RBM33: variants seen among roughly 807,000 people sequenced by gnomAD.
RBM33 encodes RNA-binding protein 33.
In RBM33, 28 loss-of-function variants were observed where a neutral mutation model predicts 132.6. The observed-to-expected ratio is 0.21, with a 90% CI of 0.16 to 0.29. RBM33 has a LOEUF of 0.29. Among genes scored for constraint, RBM33 ranks in the 10% least tolerant of loss-of-function variants. The pLI, the probability that RBM33 is intolerant of heterozygous loss-of-function variation, is 1.00. For synonymous variants in RBM33, 634 were observed against 593.0 expected (o/e 1.07, Z -1.01); for missense variants, 1,291 against 1,518.5 (o/e 0.85, Z 2.49).
At position 155,754,704 on chromosome 7, in the gene RBM33, CTG is replaced by C. The variant is rs1489115537; in HGVS notation, c.2979+9104_2979+9105del. On this transcript the variant is annotated intron_variant, in intron 14 of 17. Coordinates refer to ENST00000401878, the MANE Select transcript of RBM33 (RefSeq NM_053043.3). Reference sequence around the variant, plus strand: ...GCCTAGCTAATGTCAGAAAGGTAGACTGTTAAGAGAGAGAGCAAGCACTTGAA... The same window carrying C: ...GCCTAGCTAATGTCAGAAAGGTAGACTTAAGAGAGAGAGCAAGCACTTGAA... Among the ~76,000 whole-genome samples the C allele has an allele frequency of 6.6e-5, 10 of 152,344 alleles. 1 individual carries two copies. In the East Asian group the frequency reaches 1.5e-3, roughly 23 times the overall value.
At chr7:155,713,018 A>G (rs1379565199) in intron 8 of RBM33, among the ~76,000 whole-genome samples, 2 of 152,164 alleles carry the variant, frequency 1.3e-5, no homozygotes, top group African/African-American at 4.8e-5. Flanking sequence ...GGTAGCAGGG[A>G]GAGTGCAGAG....
intron 1 of RBM33, among the ~76,000 whole-genome samples, chr7:155,649,472 G>A (rs537376005): frequency 6.6e-6 from 1 of 152,174 alleles, no homozygotes; most frequent in African/African-American, 2.4e-5. Context: ...CCTAATTTAT[G>A]TTAGTCAATT....
chr7:155,683,046 G>A (rs1197602074), intron 5 of RBM33, among the ~76,000 whole-genome samples: 1 of 151,534 alleles, frequency 6.6e-6, no homozygotes, highest in African/African-American at 2.4e-5. Context: ...GTGTTCTGAT[G>A]TTTTCACAGA....
chr7:155,742,025 C>T lies in RBM33; in HGVS notation c.2256C>T (p.Ser752=). 6.2e-7 allele frequency: 1 copy of T among 1,614,016 alleles called. No individual in the cohort carries two copies. Among genetic ancestry groups the T allele is most frequent in the Non-Finnish European group, 8.5e-7 (1 of 1,179,910 alleles). The change falls in exon 13 of 18, where the codon AGC becomes AGT. Residue 752 remains serine (S), a synonymous_variant. Coordinates refer to ENST00000401878, the MANE Select transcript of RBM33 (RefSeq NM_053043.3). ...CGCGGGCCGTGGCGGGTTCCAGAAG[C>T]TCACAGGGAAAGACGGAAGTGAAAG... is the stretch of plus-strand genomic sequence containing the variant. ...PPSRAVAGSR[S]SQGKTEVKVK... is the part of the protein sequence containing the mutation.
At chr7:155,768,084 A>G (rs1046384532) in intron 16 of RBM33, among the ~76,000 whole-genome samples, 5 of 152,302 alleles carry the variant, frequency 3.3e-5, no homozygotes, top group Non-Finnish European at 7.3e-5. Context: ...GGCGATCTGC[A>G]CTTCCCTGTG....
At chr7:155,755,102 A>C (rs1311706342) in intron 14 of RBM33, among the ~76,000 whole-genome samples, 1 of 152,240 alleles carries the variant, frequency 6.6e-6, no homozygotes, top group African/African-American at 2.4e-5. Context: ...CATGCATATC[A>C]TTTATTGTCC....
At chr7:155,734,749 A>G (rs1429498962) in intron 9 of RBM33, among the ~76,000 whole-genome samples, 1 of 152,152 alleles carries the variant, frequency 6.6e-6, no homozygotes, top group Admixed American at 6.5e-5. Context: ...TTAAGGAAAC[A>G]GGCTGATTAA....
intron 6 of RBM33, among the ~76,000 whole-genome samples, chr7:155,702,512 T>G (rs1417748316): frequency 3.9e-5 from 6 of 152,222 alleles, no homozygotes; most frequent in Admixed American, 3.3e-4. Flanking sequence ...GGCATTGGCC[T>G]TAGGTGAAAG....
intron 16 of RBM33, among the ~76,000 whole-genome samples, chr7:155,772,619 T>G (rs2117084866): frequency 6.6e-6 from 1 of 152,346 alleles, no homozygotes; most frequent in Non-Finnish European, 1.5e-5. Context: ...CAAGTGAAAC[T>G]ATCAAATTTC....
At chr7:155,664,323 C>T (rs7786378) in intron 1 of RBM33, among the ~76,000 whole-genome samples, 1 of 151,534 alleles carries the variant, frequency 6.6e-6, no homozygotes, top group Non-Finnish European at 1.5e-5. Flanking sequence ...GCGCGATCTC[C>T]GCTCACTGCA....
chr7:155,770,380 G>A (rs1310221053), intron 16 of RBM33, among the ~76,000 whole-genome samples: 1 of 152,164 alleles, frequency 6.6e-6, no homozygotes, highest in Non-Finnish European at 1.5e-5. Context: ...GGAGCCCCAT[G>A]GGCCAGTCCT....
intron 6 of RBM33, among the ~76,000 whole-genome samples, chr7:155,703,078 G>A (rs1038727914): frequency 6.6e-6 from 1 of 151,946 alleles, no homozygotes; most frequent in Non-Finnish European, 1.5e-5. Context: ...TCTCATCCCT[G>A]TTCATTGTCC....
Position 155,727,609 on chromosome 7 carries a change from G to C in RBM33, c.1260+9166G>C, listed in dbSNP as rs6965737. Among the ~76,000 whole-genome samples, 1,073 of 152,334 alleles carry C rather than the reference G, an allele frequency of 7.0e-3. 18 individuals are homozygous for C. The highest frequency in any genetic ancestry group is 0.024 in the African/African-American group (1,009 of 41,572). On this transcript the variant is annotated intron_variant, in intron 9 of 17. Transcript: ENST00000401878. ...AAAAAAGCAATATTGTTAACAGTCA[G>C]TGAGCAGCTTTTGGGATCTTAAAGC...
intron 5 of RBM33, among the ~76,000 whole-genome samples, chr7:155,684,236 A>G (rs1218226051): frequency 6.6e-6 from 1 of 152,126 alleles, no homozygotes; most frequent in Non-Finnish European, 1.5e-5. Context: ...GAACCATTTT[A>G]CTGTTCATTT....
chr7:155,720,563 T>C (rs1197490247), intron 9 of RBM33, among the ~76,000 whole-genome samples: 2 of 152,232 alleles, frequency 1.3e-5, no homozygotes, highest in African/African-American at 2.4e-5. Context: ...AATGTAATTT[T>C]GTGAACATTT....
chr7:155,661,744 A>G (rs1294528246), intron 1 of RBM33, among the ~76,000 whole-genome samples: 1 of 152,124 alleles, frequency 6.6e-6, no homozygotes, highest in East Asian at 1.9e-4. Flanking sequence ...TGACACTGTC[A>G]TCATATTTTC....
At chr7:155,732,023 A>G (rs1204380286) in intron 9 of RBM33, among the ~76,000 whole-genome samples, 2 of 152,204 alleles carry the variant, frequency 1.3e-5, no homozygotes, top group Non-Finnish European at 2.9e-5. Flanking sequence ...ACTGAGTGAC[A>G]AAAGGCCAGC....
At chr7:155,667,099 C>T (rs1798820294) in intron 2 of RBM33, among the ~76,000 whole-genome samples, 1 of 152,130 alleles carries the variant, frequency 6.6e-6, no homozygotes, top group Non-Finnish European at 1.5e-5. Context: ...CTTTCCTGTA[C>T]CATTTGACAG....
In RBM33 at chr7:155,774,753, C is replaced by G. The variant is rs1802547632; in HGVS notation, c.3464+106C>G. 2.0e-6 allele frequency: 2 copies of G among 978,576 alleles called. No homozygotes were observed. Among genetic ancestry groups the G allele is most frequent in the Non-Finnish European group, 3.3e-6 (2 of 609,884 alleles). 60.6% of individuals were successfully genotyped at this position (978,576 alleles called of 1,614,324 possible). A position where few individuals can be genotyped will look rare whatever the true frequency, so the allele number is the denominator to read the frequency against. Reference sequence around the variant, plus strand: ...TAGCAAGCGTGTGTCCCCACCTGTTCCTGTAGAAGGACACTAGGGCACAAA... The same window carrying G: ...TAGCAAGCGTGTGTCCCCACCTGTTGCTGTAGAAGGACACTAGGGCACAAA... On this transcript the variant is annotated intron_variant, in intron 17 of 17. Transcript: ENST00000401878. The surrounding 1 kb of genome is among the most constrained non-coding windows in gnomAD (Gnocchi z 4.2).
Sources: allele counts gnomAD v4.1 joint callset (sites outside exome capture counted in the v4.1 genomes callset), GRCh38; gene constraint gnomAD v4.1.1; non-coding constraint Gnocchi (gnomAD v3.1); transcripts MANE v1.5; gene names NCBI Gene and HGNC (gene_info 2026-07-23, HGNC 2026-07-21).